PCSK2: variants seen among roughly 807,000 people sequenced by gnomAD.
The protein encoded by PCSK2 is neuroendocrine convertase 2.
PCSK2 carries 14 observed loss-of-function variants against 69.7 expected under a neutral mutation model. That is an observed-to-expected ratio of 0.20 (90% CI 0.13 to 0.31). The LOEUF (loss-of-function observed/expected upper bound fraction) is 0.31. PCSK2 is among the 10% of genes least tolerant of loss of function. The pLI, the probability that PCSK2 is intolerant of heterozygous loss-of-function variation, is 1.00. For synonymous variants in PCSK2, 307 were observed against 320.7 expected (o/e 0.96, Z 0.46); for missense variants, 544 against 842.5 (o/e 0.65, Z 4.39).
chr20:17,267,693 G>C (rs910811970), intron 2 of PCSK2, among the ~76,000 whole-genome samples: 2 of 152,080 alleles, frequency 1.3e-5, no homozygotes, highest in East Asian at 3.9e-4. Flanking sequence ...TAAATGATGG[G>C]TACTGTTCGT....
In PCSK2 at chr20:17,292,331, C is replaced by T. The variant is rs1988725239; in HGVS notation, c.282+31987C>T. On this transcript the variant is annotated intron_variant, in intron 2 of 11. Transcript: ENST00000262545. Reference sequence around the variant, plus strand: ...GAAAAGAAAGGCCTTAAAGATCTGCCCCCATTCCATCTTTCCAAAAGAAAG... The same window carrying T: ...GAAAAGAAAGGCCTTAAAGATCTGCTCCCATTCCATCTTTCCAAAAGAAAG... Among the ~76,000 whole-genome samples, 5 of 151,288 alleles carry T rather than the reference C, an allele frequency of 3.3e-5. No homozygotes were observed. In the South Asian group the frequency reaches 1.0e-3, roughly 32 times the overall value.
rs1048909082 is a variant in PCSK2 at position 17,360,534 on chromosome 20, C to T, written c.399C>T (p.Ile133=). 6.2e-7 allele frequency: 1 copy of T among 1,600,352 alleles called. No individual in the cohort carries two copies. Among genetic ancestry groups the T allele is most frequent in the South Asian group, 1.1e-5 (1 of 90,020 alleles). Reference sequence around the variant, plus strand: ...CTGCTTTGAAATTCCTGTACCAGATCAATACTGGGCAAGCTGATGGCACTC... The same window carrying T: ...CTGCTTTGAAATTCCTGTACCAGATTAATACTGGGCAAGCTGATGGCACTC... ...DPLFTKQWYL[I]NTGQADGTPG... Residue 133 remains isoleucine, a splice_region_variant and synonymous_variant, in exon 4 of 12, where the codon ATC becomes ATT. Coordinates refer to ENST00000262545, the MANE Select transcript of PCSK2 (RefSeq NM_002594.5).
chr20:17,351,038 T>TAAAAAA (rs11471979), intron 2 of PCSK2, among the ~76,000 whole-genome samples: 4 of 134,160 alleles, frequency 3.0e-5, no homozygotes, highest in South Asian at 4.9e-4. Context: ...AGACTTCATC[T>TAAAAAA]AAAAAAAAAA....
chr20:17,423,898 C>G (rs560736193), intron 6 of PCSK2, among the ~76,000 whole-genome samples: 1 of 152,182 alleles, frequency 6.6e-6, no homozygotes, highest in African/African-American at 2.4e-5. Context: ...CAAAATGAAA[C>G]AATAACATAC....
intron 11 of PCSK2, among the ~76,000 whole-genome samples, chr20:17,480,735 C>T (rs2033385125): frequency 6.6e-6 from 1 of 152,232 alleles, no homozygotes; most frequent in South Asian, 2.1e-4. Context: ...CATTAATGAG[C>T]GAGTTGCCAC....
chr20:17,357,915 A>C (rs1015536691), intron 2 of PCSK2, among the ~76,000 whole-genome samples: 1 of 151,478 alleles, frequency 6.6e-6, no homozygotes, highest in African/African-American at 2.4e-5. Flanking sequence ...AAAAAAGAAT[A>C]CTTTTCTCTA....
At chr20:17,432,513 A>G (rs546091077) in intron 7 of PCSK2, among the ~76,000 whole-genome samples, 1 of 152,184 alleles carries the variant, frequency 6.6e-6, no homozygotes, top group Non-Finnish European at 1.5e-5. Flanking sequence ...TATTTTGAAA[A>G]TGCCTTTATT....
chr20:17,263,208 C>T (rs1386809651), intron 2 of PCSK2: 5 of 804,168 alleles, frequency 6.2e-6, no homozygotes, highest in Non-Finnish European at 6.0e-6. Context: ...TGATGTTTGC[C>T]TCTCATGTAA....
chr20:17,409,341 TA>T lies in PCSK2; in HGVS notation c.620+5del. ...GTACACAGATGACTGGTTTAACAGGTAAACTGGGCCTTGGGAGGTCTCTTTG... is the reference window on the plus strand; with the variant it reads ...GTACACAGATGACTGGTTTAACAGGTAACTGGGCCTTGGGAGGTCTCTTTG... On this transcript the variant is annotated splice_donor_region_variant and intron_variant, in intron 6 of 11. Transcript: ENST00000262545. The T allele has an allele frequency of 6.2e-7, 1 of 1,608,124 alleles. No individual in the cohort carries two copies. The highest frequency in any genetic ancestry group is 8.5e-7 in the Non-Finnish European group (1 of 1,174,544).
At chr20:17,292,463 G>T (rs1465610466) in intron 2 of PCSK2, among the ~76,000 whole-genome samples, 1 of 152,070 alleles carries the variant, frequency 6.6e-6, no homozygotes, top group Non-Finnish European at 1.5e-5. Context: ...TTTTGTGTAT[G>T]GTGTGATACA....
intron 1 of PCSK2, among the ~76,000 whole-genome samples, chr20:17,238,501 A>C (rs949637693): frequency 3.9e-5 from 6 of 152,246 alleles, no homozygotes; most frequent in African/African-American, 1.4e-4. Context: ...GGGAAAGGGC[A>C]TCGAACACTA....
intron 5 of PCSK2, among the ~76,000 whole-genome samples, chr20:17,408,596 G>T (rs1483049441): frequency 6.6e-6 from 1 of 152,170 alleles, no homozygotes; most frequent in Non-Finnish European, 1.5e-5. Flanking sequence ...TTGATCTTTC[G>T]ATTGATGTCT....
At chr20:17,481,549 C>T (rs529641609) in intron 11 of PCSK2, 35 bp from the exon 12 acceptor site, 3 of 1,596,404 alleles carry the variant, frequency 1.9e-6, no homozygotes, top group Non-Finnish European at 2.6e-6. Context: ...GCACCCACCA[C>T]TGCTTATCCT....
At chr20:17,480,280 C>G (rs1313152141) in intron 11 of PCSK2, among the ~76,000 whole-genome samples, 2 of 149,492 alleles carry the variant, frequency 1.3e-5, no homozygotes, top group Non-Finnish European at 3.0e-5. Flanking sequence ...AGCTCCGCCT[C>G]CCGGGTTCAA....
In PCSK2 at chr20:17,482,661, G is replaced by A. The variant is rs2033430476; in HGVS notation, c.*591G>A. On this transcript the variant is annotated 3_prime_UTR_variant, in exon 12 of 12. Coordinates refer to ENST00000262545, the MANE Select transcript of PCSK2 (RefSeq NM_002594.5). The stretch of plus-strand genomic sequence containing the variant: ...TCATAGAGAGCCCTAGTTACTGCAT[G>A]GGGAAAGAGATCCAGGAAGCATGAG... 6.6e-6 allele frequency: 1 copy of A among 152,306 alleles called. No individual in the cohort carries two copies. The highest frequency in any genetic ancestry group is 1.9e-4 in the East Asian group (1 of 5,198). 9.4% of individuals were successfully genotyped at this position (152,306 alleles called of 1,614,324 possible).
chr20:17,294,294 G>C (rs1195654572), intron 2 of PCSK2, among the ~76,000 whole-genome samples: 1 of 151,280 alleles, frequency 6.6e-6, no homozygotes, highest in African/African-American at 2.4e-5. Flanking sequence ...TTTTAGTAGA[G>C]ACGGGGTTTC....
In PCSK2 at chr20:17,433,108, C is replaced by G. The variant is rs1406640890; in HGVS notation, c.709+3585C>G. Among the ~76,000 whole-genome samples, 11 of 152,218 alleles carry G rather than the reference C, an allele frequency of 7.2e-5. No individual in the cohort carries two copies. The South Asian group carries it at 2.3e-3, about 32-fold the overall frequency. ...ACCTTCCTTTTTAAACCAAAGCACA[C>G]AGATTTACACACCGGGCTTCGGGAT... On this transcript the variant is annotated intron_variant, in intron 7 of 11. Transcript: ENST00000262545.
At chr20:17,236,440 CT>C (rs1301298965) in intron 1 of PCSK2, among the ~76,000 whole-genome samples, 1 of 152,020 alleles carries the variant, frequency 6.6e-6, no homozygotes, top group Non-Finnish European at 1.5e-5. Context: ...CATAATTCAA[CT>C]TTTGTGAGTT....
At chr20:17,289,772 T>C (rs1988634900) in intron 2 of PCSK2, among the ~76,000 whole-genome samples, 1 of 152,208 alleles carries the variant, frequency 6.6e-6, no homozygotes, top group Admixed American at 6.5e-5. Context: ...TCCTTTATAA[T>C]ATAGCTTTTG....
Sources: allele counts gnomAD v4.1 joint callset (sites outside exome capture counted in the v4.1 genomes callset), GRCh38; gene constraint gnomAD v4.1.1; transcripts MANE v1.5; gene names NCBI Gene and HGNC (gene_info 2026-07-23, HGNC 2026-07-21).